RIMS1: variants seen among roughly 807,000 people sequenced by gnomAD.
The protein encoded by RIMS1 is regulating synaptic membrane exocytosis 1, also known as regulating synaptic membrane exocytosis protein 1.
RIMS1 carries 83 observed loss-of-function variants against 214.1 expected under a neutral mutation model. That is an observed-to-expected ratio of 0.39 (90% confidence interval 0.32 to 0.47). The LOEUF (loss-of-function observed/expected upper bound fraction) is 0.47. Ranked by LOEUF, RIMS1 falls within the 20% of genes least tolerant of loss-of-function variation. The probability of loss-of-function intolerance (pLI) is 0.99; values close to 1 mark genes in which losing one functional copy is unlikely to be tolerated. For synonymous variants in RIMS1, 793 were observed against 786.8 expected, an observed-to-expected ratio of 1.01 and a Z score of -0.13; for missense variants, 2,050 against 2,161.8, an observed-to-expected ratio of 0.95 and a Z score of 1.03.
chr6:72,242,710 A>G (rs2067494638), intron 10 of RIMS1, among the ~76,000 whole-genome samples: 1 of 151,986 alleles, frequency 6.6e-6, no homozygotes, highest in South Asian at 2.1e-4. Context: ...AAAGTAAAAT[A>G]TTTTCTTTTA....
At chr6:72,140,302 A>G (rs1423635555) in intron 4 of RIMS1, among the ~76,000 whole-genome samples, 1 of 152,158 alleles carries the variant, frequency 6.6e-6, no homozygotes, top group Non-Finnish European at 1.5e-5. Flanking sequence ...GTATAATCCT[A>G]TCTGCCAAGT....
At chr6:71,962,457 T>G (rs1175736465) in intron 1 of RIMS1, among the ~76,000 whole-genome samples, 2 of 152,112 alleles carry the variant, frequency 1.3e-5, no homozygotes, top group Non-Finnish European at 2.9e-5. Context: ...AAAGTAAAAA[T>G]TACTCTGATA....
At chr6:72,058,952 T>C (rs532366906) in intron 2 of RIMS1, among the ~76,000 whole-genome samples, 7 of 152,312 alleles carry the variant, frequency 4.6e-5, no homozygotes, top group African/African-American at 1.7e-4. Flanking sequence ...GAAAACAGCC[T>C]CCTGACTGGG....
chr6:72,097,181 T>C lies in RIMS1; in HGVS notation c.459+19T>C, dbSNP rs1383867889. The C allele has an allele frequency of 6.2e-7, 1 of 1,605,694 alleles. No individual in the cohort carries two copies. The highest frequency in any genetic ancestry group is 2.2e-5 in the East Asian group (1 of 44,820). On this transcript the variant is annotated intron_variant, in intron 3 of 33. Transcript: ENST00000521978. ...AAACAACGTGAGTATTCCATGAACA[T>C]AAGGGGCGTTGTGAATGTGGATAAA...
chr6:71,970,093 A>G (rs1795480793), intron 2 of RIMS1, among the ~76,000 whole-genome samples: 1 of 152,218 alleles, frequency 6.6e-6, no homozygotes, highest in Non-Finnish European at 1.5e-5. Context: ...AGGAGGCTTA[A>G]TAGGTGTTAT....
At chr6:72,336,443 T>C (rs2096847225) in intron 29 of RIMS1, among the ~76,000 whole-genome samples, 2 of 151,852 alleles carry the variant, frequency 1.3e-5, no homozygotes, top group South Asian at 4.1e-4. Flanking sequence ...TCCCAGAAGA[T>C]GTATTGTTAA....
At chr6:72,347,446 C>T (rs1000981587) in intron 29 of RIMS1, among the ~76,000 whole-genome samples, 2 of 151,786 alleles carry the variant, frequency 1.3e-5, no homozygotes, top group African/African-American at 4.8e-5. Context: ...TTCGATTTCC[C>T]CAAACTGTTC....
At chr6:72,257,821 C>T (rs1036500838) in intron 16 of RIMS1, among the ~76,000 whole-genome samples, 4 of 152,106 alleles carry the variant, frequency 2.6e-5, no homozygotes, top group African/African-American at 4.8e-5. Context: ...GTCACGAACT[C>T]GTTCATTATT....
At chr6:72,378,700 G>A (rs367716166) in intron 29 of RIMS1, among the ~76,000 whole-genome samples, 14 of 152,158 alleles carry the variant, frequency 9.2e-5, no homozygotes, top group East Asian at 5.8e-4. Context: ...TTAGCCAGGC[G>A]TGGTGGCAGG....
At chr6:72,016,636 G>T (rs1368724244) in intron 2 of RIMS1, among the ~76,000 whole-genome samples, 2 of 152,110 alleles carry the variant, frequency 1.3e-5, no homozygotes, top group Admixed American at 1.3e-4. Flanking sequence ...GACAAATTTT[G>T]CCAGTGTTCT....
intron 6 of RIMS1, among the ~76,000 whole-genome samples, chr6:72,204,315 G>A (rs561328444): frequency 4.6e-5 from 7 of 152,262 alleles, no homozygotes; most frequent in South Asian, 4.1e-4. Flanking sequence ...CATTCCAGTC[G>A]GTGCGGTGGT....
At chr6:72,011,039 G>A (rs1036066937) in intron 2 of RIMS1, among the ~76,000 whole-genome samples, 1 of 150,644 alleles carries the variant, frequency 6.6e-6, no homozygotes, top group African/African-American at 2.4e-5. Flanking sequence ...TTAGCCAAAA[G>A]AACAAAGCTG....
chr6:72,334,254 C>T (rs1249945329), intron 29 of RIMS1, among the ~76,000 whole-genome samples: 1 of 151,818 alleles, frequency 6.6e-6, no homozygotes, highest in Non-Finnish European at 1.5e-5. Context: ...GTGACATATA[C>T]TCTTCAAGGT....
At chr6:72,307,739 T>G (rs1194484989) in intron 27 of RIMS1, among the ~76,000 whole-genome samples, 1 of 151,912 alleles carries the variant, frequency 6.6e-6, no homozygotes, top group African/African-American at 2.4e-5. Flanking sequence ...AGAGCAAGAC[T>G]CCATCTAAAA....
chr6:72,134,431 A>AT (rs1257893013), intron 4 of RIMS1, among the ~76,000 whole-genome samples: 2 of 152,044 alleles, frequency 1.3e-5, no homozygotes, highest in African/African-American at 4.8e-5. Flanking sequence ...AGAATTTCAG[A>AT]TTTTAATACA....
chr6:71,985,075 A>G (rs1344676836), intron 2 of RIMS1, among the ~76,000 whole-genome samples: 1 of 152,156 alleles, frequency 6.6e-6, no homozygotes, highest in East Asian at 1.9e-4. Flanking sequence ...TCTAGTTTAA[A>G]TAGGGCTATT....
intron 2 of RIMS1, among the ~76,000 whole-genome samples, chr6:72,032,535 T>A (rs1387713169): frequency 6.6e-6 from 1 of 152,164 alleles, no homozygotes; most frequent in East Asian, 1.9e-4. Flanking sequence ...CATGAGGGTT[T>A]GTTTAAGAGG....
chr6:71,928,267 T>G (rs1279667418), intron 1 of RIMS1, among the ~76,000 whole-genome samples: 1 of 152,146 alleles, frequency 6.6e-6, no homozygotes, highest in African/African-American at 2.4e-5. Context: ...TTTAAAAGAT[T>G]TAACAGTATA....
chr6:72,184,471 G>C (rs1234659866), intron 6 of RIMS1, among the ~76,000 whole-genome samples: 1 of 152,180 alleles, frequency 6.6e-6, no homozygotes, highest in East Asian at 1.9e-4. Flanking sequence ...CAGCTTTTAT[G>C]TGGCTGCAGG....
Sources: gnomAD v4.1 joint callset for allele counts (sites outside exome capture counted in the v4.1 genomes callset) on GRCh38, gnomAD v4.1.1 for gene constraint, MANE v1.5 for transcripts, NCBI Gene and HGNC (gene_info 2026-07-23, HGNC 2026-07-21) for gene names.